The following ADAM12 variants were observed in gnomAD, a reference collection of about 807,000 sequenced individuals.
ADAM12 encodes ADAM metallopeptidase domain 12.
Under a neutral mutation model 106.4 loss-of-function variants are expected in ADAM12, and 70 were observed. The observed-to-expected ratio is 0.66, with a 90% CI of 0.54 to 0.80. ADAM12 has a LOEUF of 0.80. Ranked by LOEUF, ADAM12 falls within the 30% of genes least tolerant of loss-of-function variation. The probability of loss-of-function intolerance (pLI) is 0.00; values close to 1 mark genes in which losing one functional copy is unlikely to be tolerated. For synonymous variants in ADAM12, 420 were observed against 433.5 expected (o/e 0.97, Z 0.39); for missense variants, 1,010 against 1,171.9 (o/e 0.86, Z 2.02).
At chr10:126,160,715 G>C (rs539408744) in intron 3 of ADAM12, among the ~76,000 whole-genome samples, 38 of 152,278 alleles carry the variant, frequency 2.5e-4, no homozygotes, top group South Asian at 2.1e-4. Context: ...GTGTCTTCTT[G>C]TTGGCCCTGG....
At chr10:126,060,514 G>A (rs12242949) in intron 14 of ADAM12, among the ~76,000 whole-genome samples, 13,628 of 152,200 alleles carry the variant, frequency 0.09, 1,317 homozygotes, top group African/African-American at 0.23. Flanking sequence ...CAGGAGGCCT[G>A]TGATGACCCC....
chr10:126,282,827 T>C (rs920410190), intron 2 of ADAM12, among the ~76,000 whole-genome samples: 2 of 152,096 alleles, frequency 1.3e-5, no homozygotes, highest in Non-Finnish European at 2.9e-5. Context: ...TTGCCACCAG[T>C]GGCCGGTTTT....
chr10:126,231,775 C>T (rs1419336222), intron 3 of ADAM12, among the ~76,000 whole-genome samples: 2 of 152,208 alleles, frequency 1.3e-5, no homozygotes, highest in African/African-American at 2.4e-5. Context: ...GCGCCTCCTC[C>T]TCTTCCCAAC....
At chr10:126,194,362 T>C (rs1313542891) in intron 3 of ADAM12, among the ~76,000 whole-genome samples, 1 of 151,262 alleles carries the variant, frequency 6.6e-6, no homozygotes, top group Non-Finnish European at 1.5e-5. Context: ...TTAAGCTTTC[T>C]GAGACAAATA....
chr10:126,036,471 G>A (rs1954062752), intron 20 of ADAM12, 146 bp from the exon 21 acceptor site: 1 of 723,334 alleles, frequency 1.4e-6, no homozygotes, highest in Non-Finnish European at 2.1e-6. Context: ...CACAAGAGGG[G>A]AATTATTTTT....
intron 3 of ADAM12, among the ~76,000 whole-genome samples, chr10:126,259,496 C>T (rs1176770858): frequency 6.6e-6 from 1 of 152,120 alleles, no homozygotes; most frequent in Non-Finnish European, 1.5e-5. Context: ...AAATAAAGGC[C>T]ACTCATTTCT....
intron 3 of ADAM12, among the ~76,000 whole-genome samples, chr10:126,202,629 C>T (rs191836447): frequency 7.6e-4 from 115 of 152,146 alleles, no homozygotes; most frequent in African/African-American, 2.6e-3. Context: ...AAGATGACAA[C>T]GAAAGTAAAA....
intron 2 of ADAM12, among the ~76,000 whole-genome samples, chr10:126,302,676 T>A (rs953944131): frequency 2.0e-5 from 3 of 152,198 alleles, no homozygotes; most frequent in African/African-American, 7.2e-5. Flanking sequence ...TTCAATTGTT[T>A]TTTAAAAGGA....
intron 3 of ADAM12, among the ~76,000 whole-genome samples, chr10:126,251,882 T>TTG (rs1958776936): frequency 3.3e-5 from 3 of 90,892 alleles, no homozygotes; most frequent in Middle Eastern, 0.011. Flanking sequence ...ATGGGATGGA[T>TTG]GCAATGGATG....
At chr10:126,341,452 T>C (rs190952522) in intron 1 of ADAM12, among the ~76,000 whole-genome samples, 202 of 152,322 alleles carry the variant, frequency 1.3e-3, no homozygotes, top group African/African-American at 4.6e-3. Context: ...TGATGAGTGA[T>C]TGACTTTTAG....
intron 3 of ADAM12, among the ~76,000 whole-genome samples, chr10:126,182,787 G>A (rs1957336843): frequency 6.6e-6 from 1 of 152,210 alleles, no homozygotes; most frequent in African/African-American, 2.4e-5. Context: ...ATGACCCCCA[G>A]TCTAATTCTC....
chr10:126,051,500 C>T (rs12360351), intron 14 of ADAM12, among the ~76,000 whole-genome samples: 13,941 of 59,814 alleles, frequency 0.23, 1,192 homozygotes, highest in Middle Eastern at 0.41. Context: ...CGTCCATCCA[C>T]CCGTCCATCC....
At chr10:126,076,476 C>A (rs1048348484) in intron 11 of ADAM12, among the ~76,000 whole-genome samples, 4 of 152,184 alleles carry the variant, frequency 2.6e-5, no homozygotes, top group African/African-American at 9.7e-5. Flanking sequence ...GTTTTAAGTT[C>A]TTCGAGAAAC....
intron 2 of ADAM12, among the ~76,000 whole-genome samples, chr10:126,294,974 T>C (rs1960306014): frequency 6.6e-6 from 1 of 151,882 alleles, no homozygotes; most frequent in Non-Finnish European, 1.5e-5. Flanking sequence ...TTACCTAAAG[T>C]TGCAATGGAA....
chr10:126,241,472 C>T (rs1465548257), intron 3 of ADAM12, among the ~76,000 whole-genome samples: 2 of 152,208 alleles, frequency 1.3e-5, no homozygotes, highest in African/African-American at 4.8e-5. Flanking sequence ...TTCCTTCAGT[C>T]TCAGAAATCC....
chr10:126,122,045 T>C (rs1956125554), intron 5 of ADAM12, among the ~76,000 whole-genome samples: 1 of 152,162 alleles, frequency 6.6e-6, no homozygotes, highest in African/African-American at 2.4e-5. Context: ...CCGGGACAAT[T>C]AGAAATCCTG....
rs1953666014 is a variant in ADAM12, at chr10:126,016,612, T to C, written c.*667A>G. On this transcript the variant is annotated 3_prime_UTR_variant, in exon 23 of 23. Transcript: ENST00000448723. ...CAGGGTCAAGTTCTGGCTTGTCTAG[T>C]GTTCCAGTCTCTATCCTGGTGTGGC... is the stretch of plus-strand genomic sequence containing the variant. 6.6e-6 allele frequency: 1 copy of C among 152,318 alleles called. No individual in the cohort carries two copies. Among genetic ancestry groups the C allele is most frequent in the African/African-American group, 2.4e-5 (1 of 41,458 alleles). The allele number at this position is 152,318 out of a possible 1,614,324, so 9.4% of individuals were successfully genotyped here.
intron 1 of ADAM12, among the ~76,000 whole-genome samples, chr10:126,365,829 C>T (rs997493273): frequency 3.9e-5 from 6 of 152,244 alleles, no homozygotes; most frequent in Middle Eastern, 3.4e-3. Flanking sequence ...AGGAGCACAG[C>T]GATTGGAAAG....
intron 3 of ADAM12, among the ~76,000 whole-genome samples, chr10:126,250,053 T>C (rs1199930206): frequency 3.9e-5 from 6 of 152,130 alleles, no homozygotes; most frequent in Admixed American, 1.3e-4. Flanking sequence ...ATCTGGTGCA[T>C]GGCTAGATTC....
Sources: allele counts gnomAD v4.1 joint callset (sites outside exome capture counted in the v4.1 genomes callset), GRCh38; gene constraint gnomAD v4.1.1; transcripts MANE v1.5; gene names NCBI Gene and HGNC (gene_info 2026-07-23, HGNC 2026-07-21).